The following DISP3 variants were observed in gnomAD, a reference collection of about 807,000 sequenced individuals.
DISP3 encodes dispatched RND transporter family member 3.
In DISP3, 101 loss-of-function variants were observed where a neutral mutation model predicts 135.3. That is an observed-to-expected ratio of 0.75 (90% CI 0.64 to 0.88). The LOEUF is 0.88. DISP3 is among the 40% of genes least tolerant of loss of function. DISP3 has a pLI of 0.00. For missense variants in DISP3, 1,713 were observed against 1,878.6 expected (o/e 0.91, Z 1.63); for synonymous variants, 856 against 817.0 (o/e 1.05, Z -0.81).
At chr1:11,518,837 G>A (rs984081391) in intron 7 of DISP3, among the ~76,000 whole-genome samples, 4 of 152,076 alleles carry the variant, frequency 2.6e-5, no homozygotes, top group South Asian at 2.1e-4. Context: ...CTGCTGGCAC[G>A]TGGCAGTGGT....
In DISP3 at chr1:11,524,000, GAA is replaced by G; in HGVS notation, c.2422_2423del (p.Lys808GlufsTer10). On this transcript the variant is annotated frameshift_variant, in exon 11 of 21. Transcript: ENST00000294484. LOFTEE classifies it high-confidence loss of function. The stretch of plus-strand genomic sequence containing the variant: ...ACAACATCCGGACGTCCCTGGAGAA[GAA>G]GAGGCGAGGCTCAGGGGTCCCCTGG... ...QNNIRTSLEKKRRGSGVPWAS... is the reference protein window; with the variant it reads ...QNNIRTSLEKXRRGSGVPWAS... 1.2e-6 allele frequency: 2 copies of G among 1,613,562 alleles called. No individual in the cohort carries two copies. The highest frequency in any genetic ancestry group is 1.7e-6 in the Non-Finnish European group (2 of 1,179,836).
intron 12 of DISP3, 132 bp from the exon 13 acceptor site, chr1:11,526,519 C>A: frequency 9.6e-7 from 1 of 1,041,440 alleles, no homozygotes; most frequent in Non-Finnish European, 1.4e-6. Flanking sequence ...CTGCCCAGGG[C>A]TCTGTCCCCA....
chr1:11,531,319 G>A lies in DISP3; in HGVS notation c.3230-246G>A, dbSNP rs970028447. ...GGAGTAGCTTTTCCAAAATTAGGGGGCGGGGCCAGGGGCTGGCCCCACAGC... is the reference window on the plus strand; with the variant it reads ...GGAGTAGCTTTTCCAAAATTAGGGGACGGGGCCAGGGGCTGGCCCCACAGC... On this transcript the variant is annotated intron_variant, in intron 16 of 20. Coordinates refer to ENST00000294484, the MANE Select transcript of DISP3 (RefSeq NM_020780.2). The surrounding 1 kb of genome is among the most constrained non-coding windows in gnomAD (Gnocchi z 5.2). Among the ~76,000 whole-genome samples the A allele has an allele frequency of 1.8e-4, 28 of 152,222 alleles. No individual in the cohort carries two copies. Among genetic ancestry groups the A allele is most frequent in the Non-Finnish European group, 1.5e-4 (10 of 67,998 alleles).
At chr1:11,522,879 A>G (rs1557615643) in intron 10 of DISP3, among the ~76,000 whole-genome samples, 14 of 130,808 alleles carry the variant, frequency 1.1e-4, no homozygotes, top group African/African-American at 2.6e-4. Flanking sequence ...GAGCCCAGCC[A>G]GAGCCCAGCC....
rs769016860 is a variant in DISP3 at position 11,501,524 on chromosome 1, G to T, written c.532G>T (p.Ala178Ser). ...CCGAGCCCCCCGCGTCATCCCCGCG[G>T]CCTCACTCGGTGGCCCAGGCCCTTA... ...ASRAPRVIPA[A>S]SLGGPGPYRD... Residue 178 changes from alanine to serine, a missense_variant, in exon 2 of 21, where the codon GCC becomes TCC. Physicochemically the swap from Ala to Ser is moderately conservative, Grantham distance 99. This residue lies in a region of DISP3 where 571 missense variants were observed against 494.1 expected (regional missense o/e 1.16). Coordinates refer to ENST00000294484, the MANE Select transcript of DISP3 (RefSeq NM_020780.2). This position sits in a 1 kb window ranked among gnomAD's most constrained non-coding sequence, Gnocchi z 4.9. 6.2e-7 allele frequency: 1 copy of T among 1,601,968 alleles called. No individual in the cohort carries two copies. Among genetic ancestry groups the T allele is most frequent in the Non-Finnish European group, 8.5e-7 (1 of 1,174,098 alleles).
In DISP3 at chr1:11,525,168, G is replaced by T; in HGVS notation, c.2477-8G>T. The T allele has an allele frequency of 6.2e-7, 1 of 1,612,982 alleles. No homozygotes were observed. The highest frequency in any genetic ancestry group is 8.5e-7 in the Non-Finnish European group (1 of 1,179,090). ...TCCACCCCTCTTTCATCCCTTATTT[G>T]TCCGTAGATTTCCCAGGCACCGTGT... On this transcript the variant is annotated splice_region_variant and splice_polypyrimidine_tract_variant and intron_variant, in intron 11 of 20. Coordinates refer to ENST00000294484, the MANE Select transcript of DISP3 (RefSeq NM_020780.2).
chr1:11,504,771 A>G (rs1641651000), intron 3 of DISP3, among the ~76,000 whole-genome samples: 2 of 152,314 alleles, frequency 1.3e-5, no homozygotes, highest in Admixed American at 1.3e-4. Context: ...CCAGAAGCCA[A>G]TGCCATGCTG....
chr1:11,501,611 A>G lies in DISP3; in HGVS notation c.619A>G (p.Thr207Ala), dbSNP rs1557599795. ...TCGGAGCGGGCGACTTCGGCGTGAG[A>G]CCCCGCCCCTGGAGGATCTGGCAGC... ...ANRSGRLRRE[T>A]PPLEDLAANQ... The change falls in exon 2 of 21, where the codon ACC (threonine) becomes GCC (alanine). Residue 207 changes from threonine (T) to alanine (A), a missense_variant. Thr to Ala is a moderately conservative substitution (Grantham distance 58). Coordinates refer to ENST00000294484, the MANE Select transcript of DISP3 (RefSeq NM_020780.2). The surrounding 1 kb of genome is among the most constrained non-coding windows in gnomAD (Gnocchi z 4.9). 1.2e-6 allele frequency: 2 copies of G among 1,603,092 alleles called. No individual in the cohort carries two copies. Among genetic ancestry groups the G allele is most frequent in the South Asian group, 2.2e-5 (2 of 90,092 alleles).
At chr1:11,535,903 C>G (rs908115063) in intron 20 of DISP3, among the ~76,000 whole-genome samples, 1 of 152,154 alleles carries the variant, frequency 6.6e-6, no homozygotes, top group African/African-American at 2.4e-5. Context: ...AGGGGGCCCT[C>G]CTGCTTCACA....
intron 13 of DISP3, among the ~76,000 whole-genome samples, chr1:11,528,050 G>A (rs67703176): frequency 0.11 from 16,010 of 152,226 alleles, 1,085 homozygotes; most frequent in East Asian, 0.21. Flanking sequence ...CGGGTGTCTG[G>A]CGTAGTAGGT....
chr1:11,501,350 G>C lies in DISP3; in HGVS notation c.358G>C (p.Asp120His), dbSNP rs1032427009. The change falls in exon 2 of 21, where the codon GAC (aspartate) becomes CAC (histidine). Residue 120 changes from aspartate to histidine, a missense_variant. Coordinates refer to ENST00000294484, the MANE Select transcript of DISP3 (RefSeq NM_020780.2). This position sits in a 1 kb window ranked among gnomAD's most constrained non-coding sequence, Gnocchi z 4.9. The part of the protein sequence containing the change: ...IRNHEASQRF[D>H]ALTLALKSQF... ...CAACCACGAGGCCTCACAGCGTTTC[G>C]ACGCTCTCACTCTGGCGCTTAAGTC... The C allele has an allele frequency of 6.2e-7, 1 of 1,613,126 alleles. No individual in the cohort carries two copies. The highest frequency in any genetic ancestry group is 8.5e-7 in the Non-Finnish European group (1 of 1,179,774).
chr1:11,484,573 A>T (rs1417158189), intron 1 of DISP3, among the ~76,000 whole-genome samples: 1 of 152,160 alleles, frequency 6.6e-6, no homozygotes, highest in Admixed American at 6.5e-5. Context: ...AACTCAGGGG[A>T]GAGAAGATGC....
chr1:11,533,699 C>T (rs936722734), intron 17 of DISP3: 9 of 687,330 alleles, frequency 1.3e-5, no homozygotes, highest in South Asian at 3.1e-5. Context: ...GCAAGGTGCC[C>T]GCTTCCAAGC....
At chr1:11,522,210 A>G (rs1570129052) in intron 10 of DISP3, among the ~76,000 whole-genome samples, 1 of 152,180 alleles carries the variant, frequency 6.6e-6, no homozygotes, top group East Asian at 1.9e-4. Flanking sequence ...TAGAAACCAA[A>G]TGAGAAGACG....
intron 1 of DISP3, among the ~76,000 whole-genome samples, chr1:11,495,499 C>G (rs1160220862): frequency 6.6e-6 from 1 of 152,182 alleles, no homozygotes; most frequent in African/African-American, 2.4e-5. Flanking sequence ...CCAAAAACTG[C>G]CCCCAGAATC....
Position 11,529,769 on chromosome 1 carries a change from G to A in DISP3, c.2930-18G>A, listed in dbSNP as rs773168485. On this transcript the variant is annotated intron_variant, in intron 14 of 20. Coordinates refer to ENST00000294484, the MANE Select transcript of DISP3 (RefSeq NM_020780.2). The surrounding 1 kb of genome is among the most constrained non-coding windows in gnomAD (Gnocchi z 4.7). The stretch of plus-strand genomic sequence containing the variant: ...CTGGACCCTGCCTTCCCTTACAGCT[G>A]TGACTCCCTGTTCGCAGTGCCCAAG... 2.5e-6 allele frequency: 4 copies of A among 1,608,426 alleles called. No homozygotes were observed. In the South Asian group the frequency reaches 4.4e-5, roughly 18 times the overall value.
rs191635531 is a variant in DISP3 at position 11,519,211 on chromosome 1, T to A, written c.1890-144T>A. The A allele has an allele frequency of 2.8e-4, 285 of 1,005,228 alleles. 1 individual carries two copies. In the African/African-American group the frequency reaches 4.2e-3, roughly 15 times the overall value. The allele number at this position is 1,005,228 out of a possible 1,614,324, so 62.3% of individuals were successfully genotyped here. On this transcript the variant is annotated intron_variant, in intron 7 of 20. Coordinates refer to ENST00000294484, the MANE Select transcript of DISP3 (RefSeq NM_020780.2). This position sits in a 1 kb window ranked among gnomAD's most constrained non-coding sequence, Gnocchi z 4.3. ...ACTAGAAAGAAACCAGGTGACCAGC[T>A]CCCAGAAGTCTGGGGTGCTCATCCT...
Position 11,502,917 on chromosome 1 carries a change from C to A in DISP3, c.1316+20C>A. On this transcript the variant is annotated intron_variant, in intron 3 of 20. Coordinates refer to ENST00000294484, the MANE Select transcript of DISP3 (RefSeq NM_020780.2). Reference sequence around the variant, plus strand: ...TACCAGGTAGGAAGTCCAGCTGCATCCTGTGTGTGCATGCCCATTTTTGAT... The same window carrying A: ...TACCAGGTAGGAAGTCCAGCTGCATACTGTGTGTGCATGCCCATTTTTGAT... 6.3e-7 allele frequency: 1 copy of A among 1,588,338 alleles called. No individual in the cohort carries two copies. The highest frequency in any genetic ancestry group is 8.6e-7 in the Non-Finnish European group (1 of 1,161,152).
rs201313405 is a variant in DISP3, at chr1:11,536,443, C to T, written c.3936C>T (p.Ile1312=). The change falls in exon 21 of 21, where the codon ATC becomes ATT. Residue 1312 remains isoleucine, a synonymous_variant. Transcript: ENST00000294484. The surrounding 1 kb of genome is among the most constrained non-coding windows in gnomAD (Gnocchi z 4.3). ...CAGTGCCCCTCTTCTTCTGCATCAT[C>T]GCCCCATTTGCCAAGTTCGGCAAGA... is the stretch of plus-strand genomic sequence containing the variant. The part of the protein sequence containing the change: ...IATVPLFFCI[I]APFAKFGKIV... 5.3e-4 allele frequency: 849 copies of T among 1,613,516 alleles called. No individual in the cohort carries two copies. Among genetic ancestry groups the T allele is most frequent in the Non-Finnish European group, 6.6e-4 (774 of 1,180,004 alleles).
Sources: gnomAD v4.1 joint callset for allele counts (sites outside exome capture counted in the v4.1 genomes callset) on GRCh38, gnomAD v4.1.1 for gene constraint, gnomAD v4.1.1 regional missense constraint, Gnocchi (gnomAD v3.1) non-coding constraint, MANE v1.5 for transcripts, NCBI Gene and HGNC (gene_info 2026-07-23, HGNC 2026-07-21) for gene names.